ZNF560: variants seen among roughly 807,000 people sequenced by gnomAD.
ZNF560 encodes the protein zinc finger protein 560.
In ZNF560, 54 loss-of-function variants were observed where a neutral mutation model predicts 81.8. The ratio of observed to expected loss-of-function variants is 0.66; its 90% CI spans 0.53 to 0.83. The LOEUF is 0.83. ZNF560 is among the 40% of genes least tolerant of loss of function. ZNF560 has a pLI of 0.00. For missense variants in ZNF560, 940 were observed against 932.4 expected (o/e 1.01, Z -0.11); for synonymous variants, 321 against 317.9 (o/e 1.01, Z -0.10).
intron 2 of ZNF560, among the ~76,000 whole-genome samples, chr19:9,483,424 T>C (rs1347358065): frequency 1.1e-4 from 15 of 138,568 alleles, no homozygotes; most frequent in African/African-American, 3.3e-4. Flanking sequence ...CCCCTCCGCC[T>C]GGCAGCCACC....
Position 9,467,337 on chromosome 19 carries a change from G to C in ZNF560, c.1610C>G (p.Thr537Ser). ...TTGATAGAGTCTCTCTTCTGTGTGA[G>C]TTCGCATGTGAATACGAAGACAGGC... is the stretch of plus-strand genomic sequence containing the variant. ...SSACLRIHMR[T>S]HTEERLYQCK... The change falls in exon 10 of 10, where the codon ACT (threonine) becomes AGT (serine). Residue 537 changes from threonine (T) to serine (S), a missense_variant. Physicochemically the swap from Thr to Ser is moderately conservative, Grantham distance 58 (BLOSUM62 1). Transcript: ENST00000301480. 1 of 1,614,188 alleles carries C rather than the reference G, an allele frequency of 6.2e-7. No homozygotes were observed. Among genetic ancestry groups the C allele is most frequent in the Non-Finnish European group, 8.5e-7 (1 of 1,180,036 alleles).
At chr19:9,456,418 A>G in the ZNF560 span, among the ~76,000 whole-genome samples, 3 of 152,196 alleles carry the variant, frequency 2.0e-5, no homozygotes, top group South Asian at 2.1e-4. Context: ...GGGAGAGCGT[A>G]TAGGGCAGCT....
At chr19:9,446,456 A>T in the ZNF560 span, among the ~76,000 whole-genome samples, 1 of 151,748 alleles carries the variant, frequency 6.6e-6, no homozygotes, top group African/African-American at 2.4e-5. Flanking sequence ...CTTTCACAAC[A>T]TCATGTTTGT....
At chr19:9,485,628 C>G (rs1292085389) in intron 2 of ZNF560, among the ~76,000 whole-genome samples, 1 of 151,692 alleles carries the variant, frequency 6.6e-6, no homozygotes, top group Non-Finnish European at 1.5e-5. Flanking sequence ...TCACTGCAAC[C>G]TCCACCTCCT....
At position 9,468,174 on chromosome 19, in the gene ZNF560, G is replaced by A. The variant is rs368111992; in HGVS notation, c.773C>T (p.Thr258Ile). 53 of 1,614,008 alleles carry A rather than the reference G, an allele frequency of 3.3e-5. No homozygotes were observed. Among genetic ancestry groups the A allele is most frequent in the Admixed American group, 1.7e-4 (10 of 59,998 alleles). Residue 258 changes from threonine to isoleucine, a missense_variant, in exon 10 of 10, where the codon ACC becomes ATC. Transcript: ENST00000301480. ...AKDLLSLYNK[T>I]STIRKVSVFS... ...CACAGAAACTTTCCTTATGGTAGAG[G>A]TTTTATTGTATAGAGAAAGGAGGTC...
At chr19:9,459,770 G>GAGA in the ZNF560 span, among the ~76,000 whole-genome samples, 1 of 152,080 alleles carries the variant, frequency 6.6e-6, no homozygotes, top group African/African-American at 2.4e-5. Flanking sequence ...TGGAGAATAG[G>GAGA]TTCTTCTAAC....
chr19:9,472,288 G>A (rs1348052956), intron 5 of ZNF560, among the ~76,000 whole-genome samples: 1 of 152,128 alleles, frequency 6.6e-6, no homozygotes, highest in Non-Finnish European at 1.5e-5. Context: ...TAATAAGTGA[G>A]TTCTTGTTCT....
chr19:9,486,975 T>C (rs759864645), intron 2 of ZNF560, among the ~76,000 whole-genome samples: 79 of 152,282 alleles, frequency 5.2e-4, no homozygotes, highest in Non-Finnish European at 2.1e-4. Flanking sequence ...TATTTGGAAA[T>C]GTTATTACTT....
the ZNF560 span, among the ~76,000 whole-genome samples, chr19:9,447,290 A>T: frequency 2.0e-5 from 3 of 152,096 alleles, no homozygotes; most frequent in Non-Finnish European, 4.4e-5. Context: ...CCCTCTCCAG[A>T]TGAGAAGGAA....
At chr19:9,484,716 G>A (rs2073357645) in intron 2 of ZNF560, among the ~76,000 whole-genome samples, 1 of 151,570 alleles carries the variant, frequency 6.6e-6, no homozygotes, top group Non-Finnish European at 1.5e-5. Context: ...CGCAGAGGCG[G>A]AGGCTGCAGT....
intron 2 of ZNF560, among the ~76,000 whole-genome samples, chr19:9,483,216 A>G (rs1271330144): frequency 6.7e-6 from 1 of 150,328 alleles, no homozygotes; most frequent in African/African-American, 2.5e-5. Context: ...CTAGGAAGAG[A>G]GGAGCGTCTC....
chr19:9,490,564 G>A (rs993721269), intron 2 of ZNF560, among the ~76,000 whole-genome samples: 1 of 152,190 alleles, frequency 6.6e-6, no homozygotes, highest in Admixed American at 6.5e-5. Flanking sequence ...GTTATACTCT[G>A]TGGGCCACAC....
Position 9,466,739 on chromosome 19 carries a change from T to C in ZNF560, c.2208A>G (p.Gly736=). ...DLTNHVRIHT[G]EKPYKCKECG... ...ATTCCTTACATTTATAGGGCTTCTC[T>C]CCAGTGTGAATTCGCACATGATTAG... The change falls in exon 10 of 10, where the codon GGA becomes GGG. Residue 736 remains glycine (G), a synonymous_variant. Coordinates refer to ENST00000301480, the MANE Select transcript of ZNF560 (RefSeq NM_152476.3). 6.2e-7 allele frequency: 1 copy of C among 1,614,176 alleles called. No individual in the cohort carries two copies. Among genetic ancestry groups the C allele is most frequent in the Non-Finnish European group, 8.5e-7 (1 of 1,180,016 alleles).
At chr19:9,504,533 G>A in the ZNF560 span, among the ~76,000 whole-genome samples, 2 of 152,212 alleles carry the variant, frequency 1.3e-5, no homozygotes, top group Non-Finnish European at 2.9e-5. Context: ...ACTTAAGAAT[G>A]TGTGTTCTCA....
the ZNF560 span, among the ~76,000 whole-genome samples, chr19:9,453,675 G>A: frequency 6.6e-6 from 1 of 152,044 alleles, no homozygotes; most frequent in Admixed American, 6.6e-5. Context: ...AACCTTACTA[G>A]TGCCTACAAA....
the ZNF560 span, among the ~76,000 whole-genome samples, chr19:9,454,887 G>T: frequency 1.1e-4 from 17 of 152,096 alleles, no homozygotes; most frequent in Non-Finnish European, 2.5e-4. Context: ...AGAGATAAAA[G>T]AACAGATCCG....
chr19:9,464,702 C>G (rs2072987967), downstream of ZNF560, among the ~76,000 whole-genome samples: 1 of 152,160 alleles, frequency 6.6e-6, no homozygotes, highest in Non-Finnish European at 1.5e-5. Context: ...TGTCTGAATC[C>G]TGAAGGCCCA....
intron 2 of ZNF560, among the ~76,000 whole-genome samples, chr19:9,483,056 C>T (rs943144153): frequency 3.3e-5 from 5 of 151,770 alleles, no homozygotes; most frequent in African/African-American, 2.4e-5. Context: ...CCCAAAGTGC[C>T]GAGATTGCAG....
chr19:9,471,023 G>T (rs7249443), intron 6 of ZNF560, among the ~76,000 whole-genome samples: 6,937 of 152,092 alleles, frequency 0.046, 535 homozygotes, highest in African/African-American at 0.16. Flanking sequence ...TTCAACTAGG[G>T]TCTATATTTG....
Sources: allele counts gnomAD v4.1 joint callset (sites outside exome capture counted in the v4.1 genomes callset), GRCh38; gene constraint gnomAD v4.1.1; transcripts MANE v1.5; gene names NCBI Gene and HGNC (gene_info 2026-07-23, HGNC 2026-07-21).